The following FER1L6 variants were observed in gnomAD, a reference collection of about 807,000 sequenced individuals.
FER1L6 encodes the protein fer-1 like family member 6, also known as fer-1-like protein 6.
In FER1L6, 177 loss-of-function variants were observed where a neutral mutation model predicts 219.2. The ratio of observed to expected loss-of-function variants is 0.81; its 90% CI spans 0.71 to 0.91. FER1L6 has a LOEUF of 0.91. Among genes scored for constraint, FER1L6 ranks in the 40% least tolerant of loss-of-function variants. FER1L6 has a pLI of 0.00. For synonymous variants in FER1L6, 768 were observed against 824.3 expected (o/e 0.93, Z 1.17); for missense variants, 2,153 against 2,259.9 (o/e 0.95, Z 0.96).
intron 1 of FER1L6, among the ~76,000 whole-genome samples, chr8:123,885,649 A>G (rs938385034): frequency 1.6e-4 from 25 of 152,240 alleles, no homozygotes; most frequent in Admixed American, 5.2e-4. Context: ...TCAATGTCAC[A>G]CAGTAAGAGG....
intron 1 of FER1L6, among the ~76,000 whole-genome samples, chr8:123,886,059 G>A (rs373950842): frequency 1.3e-5 from 2 of 152,084 alleles, no homozygotes; most frequent in East Asian, 1.9e-4. Flanking sequence ...GACTGCGTTC[G>A]GAGTACTTCC....
chr8:123,887,686 G>T (rs1233496643), intron 1 of FER1L6, among the ~76,000 whole-genome samples: 1 of 78,134 alleles, frequency 1.3e-5, no homozygotes, highest in Non-Finnish European at 2.6e-5. Flanking sequence ...TTGGGGGCTT[G>T]TTTGAAATTG....
intron 32 of FER1L6, among the ~76,000 whole-genome samples, chr8:124,078,389 A>G (rs1177536923): frequency 6.6e-6 from 1 of 152,214 alleles, no homozygotes; most frequent in East Asian, 1.9e-4. Flanking sequence ...ACCATAAAGC[A>G]AAATGATGAG....
At chr8:124,055,172 T>C (rs1020373829) in intron 22 of FER1L6, among the ~76,000 whole-genome samples, 3 of 152,112 alleles carry the variant, frequency 2.0e-5, no homozygotes, top group African/African-American at 7.2e-5. Context: ...AGCCTGGTGG[T>C]TCACGCCTGT....
At position 123,852,497 on chromosome 8, in the gene FER1L6, T is replaced by C. The variant is rs1816530384; in HGVS notation, c.-8+312T>C. On this transcript the variant is annotated intron_variant, in intron 1 of 40. Coordinates refer to ENST00000522917, the MANE Select transcript of FER1L6 (RefSeq NM_001039112.2). This position sits in a 1 kb window ranked among gnomAD's most constrained non-coding sequence, Gnocchi z 4.9. ...GTGTGTGTGTGTGTGTGTGTGTGTG[T>C]GTGTGTGTGTGTGTGTTTGACAGAG... 6.6e-6 allele frequency among the ~76,000 whole-genome samples: 1 copy of C among 151,274 alleles called. No individual in the cohort carries two copies. Among genetic ancestry groups the C allele is most frequent in the African/African-American group, 2.4e-5 (1 of 40,962 alleles).
At chr8:124,022,968 A>T (rs1304420557) in intron 17 of FER1L6, among the ~76,000 whole-genome samples, 1 of 152,020 alleles carries the variant, frequency 6.6e-6, no homozygotes, top group Non-Finnish European at 1.5e-5. Context: ...GCTGGAGTGC[A>T]GTGGCATGAT....
At chr8:123,966,369 A>G in intron 5 of FER1L6, 79 bp downstream of exon 5, 9 of 1,571,558 alleles carry the variant, frequency 5.7e-6, no homozygotes, top group Non-Finnish European at 6.9e-6. Context: ...CAGTCAAACA[A>G]AGAGCTGTGC....
chr8:123,927,198 C>T (rs2129888190), intron 1 of FER1L6, among the ~76,000 whole-genome samples: 1 of 150,952 alleles, frequency 6.6e-6, no homozygotes, highest in South Asian at 2.1e-4. Flanking sequence ...TCCTGGGAGC[C>T]TAGTTTTATG....
intron 2 of FER1L6, among the ~76,000 whole-genome samples, chr8:123,961,551 C>T (rs1815276033): frequency 6.6e-6 from 1 of 152,104 alleles, no homozygotes; most frequent in African/African-American, 2.4e-5. Flanking sequence ...GAAGCATAGC[C>T]TCCCACAGAG....
intron 13 of FER1L6, among the ~76,000 whole-genome samples, chr8:124,009,282 T>C (rs143580349): frequency 0.015 from 2,324 of 152,358 alleles, 25 homozygotes; most frequent in Non-Finnish European, 0.022. Context: ...AAGTACTTTT[T>C]TTTTGAAAGG....
At chr8:123,992,873 A>G (rs983060830) in intron 12 of FER1L6, among the ~76,000 whole-genome samples, 7 of 152,280 alleles carry the variant, frequency 4.6e-5, no homozygotes, top group South Asian at 2.1e-4. Context: ...CTTCTGCTGT[A>G]TCTGAGAAGT....
At chr8:123,984,271 A>T (rs1816456333) in intron 11 of FER1L6, 1 of 152,112 alleles carries the variant, frequency 6.6e-6, no homozygotes, top group Non-Finnish European at 1.5e-5. Flanking sequence ...AATAGACATG[A>T]TTTGCTTAAA....
intron 1 of FER1L6, among the ~76,000 whole-genome samples, chr8:123,868,738 A>G (rs1252681275): frequency 1.3e-5 from 2 of 152,030 alleles, no homozygotes; most frequent in Admixed American, 6.6e-5. Flanking sequence ...GGTGGGAGCC[A>G]TTGTCTGCTT....
At chr8:123,975,061 G>C in intron 7 of FER1L6, 89 bp from the exon 8 acceptor site, 2 of 1,236,752 alleles carry the variant, frequency 1.6e-6, no homozygotes, top group Non-Finnish European at 2.2e-6. Flanking sequence ...AGGGAGGAGA[G>C]CCTGGGAGGC....
intron 26 of FER1L6, among the ~76,000 whole-genome samples, chr8:124,065,177 C>A (rs569351510): frequency 3.3e-5 from 5 of 151,610 alleles, no homozygotes; most frequent in African/African-American, 1.2e-4. Context: ...GTAGATCACT[C>A]GAGGCCAGGA....
chr8:124,119,306 T>C (rs1823382875), intron 40 of FER1L6, among the ~76,000 whole-genome samples: 1 of 152,084 alleles, frequency 6.6e-6, no homozygotes, highest in Non-Finnish European at 1.5e-5. Flanking sequence ...CAGGAAAGAC[T>C]TCATAGAAAA....
At chr8:123,958,542 G>A (rs751400388) in intron 2 of FER1L6, among the ~76,000 whole-genome samples, 1 of 152,134 alleles carries the variant, frequency 6.6e-6, no homozygotes, top group Non-Finnish European at 1.5e-5. Context: ...CTTGGCTGTT[G>A]CGAGCCCCAG....
chr8:124,039,976 C>T lies in FER1L6; in HGVS notation c.2559C>T (p.Val853=), dbSNP rs1299225518. ...SNGLSDPFAK[V]TFLSHCQTTK... ...GACTTTCAGACCCTTTTGCCAAAGT[C>T]ACGTTCCTTTCTCACTGCCAGACAA... Residue 853 remains valine (V), a synonymous_variant, in exon 20 of 41, where the codon GTC becomes GTT. Transcript: ENST00000522917. 6.2e-7 allele frequency: 1 copy of T among 1,614,094 alleles called. No homozygotes were observed.
At chr8:123,949,808 G>A (rs1003894912) in intron 1 of FER1L6, among the ~76,000 whole-genome samples, 2 of 152,156 alleles carry the variant, frequency 1.3e-5, no homozygotes, top group South Asian at 4.1e-4. Context: ...CCCAAGTGAG[G>A]AATGTAAACA....
Sources: gnomAD v4.1 joint callset for allele counts (sites outside exome capture counted in the v4.1 genomes callset) on GRCh38, gnomAD v4.1.1 for gene constraint, Gnocchi (gnomAD v3.1) non-coding constraint, MANE v1.5 for transcripts, NCBI Gene and HGNC (gene_info 2026-07-23, HGNC 2026-07-21) for gene names.